ZDHHC14: variants seen among roughly 807,000 people sequenced by gnomAD.
ZDHHC14 encodes the protein zDHHC palmitoyltransferase 14.
ZDHHC14 carries 16 observed loss-of-function variants against 47.7 expected under a neutral mutation model. The observed-to-expected ratio is 0.34, with a 90% CI of 0.23 to 0.51. The LOEUF (loss-of-function observed/expected upper bound fraction) is 0.51, where lower values mean the gene tolerates loss of function less well. Ranked by LOEUF, ZDHHC14 falls within the 20% of genes least tolerant of loss-of-function variation. ZDHHC14 has a pLI of 0.97. For missense variants in ZDHHC14, 515 were observed against 662.5 expected (o/e 0.78, Z 2.44); for synonymous variants, 293 against 278.9 (o/e 1.05, Z -0.50).
At chr6:157,471,691 G>C (rs578109273) in intron 1 of ZDHHC14, among the ~76,000 whole-genome samples, 13 of 152,304 alleles carry the variant, frequency 8.5e-5, no homozygotes, top group Admixed American at 1.3e-4. Context: ...GAGAGAAGAC[G>C]GTCTTGGAAG....
Position 157,653,613 on chromosome 6 carries a change from T to C in ZDHHC14, c.1054T>C (p.Ser352Pro). ...CATCACCATGTACGGGGCCACGCAG[T>C]CACAGAGTGACATGGTAGGAGTGGG... ...NGITMYGATQ[S>P]QSDMCDQDQC... The change falls in exon 8 of 9, where the codon TCA (serine) becomes CCA (proline). Residue 352 changes from serine to proline, a missense_variant. Ser to Pro is a moderately conservative substitution (Grantham distance 74). Coordinates refer to ENST00000359775, the MANE Select transcript of ZDHHC14 (RefSeq NM_024630.3). 1 of 1,613,536 alleles carries C rather than the reference T, an allele frequency of 6.2e-7. No individual in the cohort carries two copies. The highest frequency in any genetic ancestry group is 8.5e-7 in the Non-Finnish European group (1 of 1,179,910).
At chr6:157,487,848 C>G (rs1267751497) in intron 1 of ZDHHC14, among the ~76,000 whole-genome samples, 1 of 152,180 alleles carries the variant, frequency 6.6e-6, no homozygotes, top group Non-Finnish European at 1.5e-5. Context: ...TGTGCCCTCT[C>G]CCATCCAGGC....
intron 2 of ZDHHC14, among the ~76,000 whole-genome samples, chr6:157,551,644 TG>T (rs1782238946): frequency 6.6e-6 from 1 of 152,196 alleles, no homozygotes; most frequent in South Asian, 2.1e-4. Context: ...AGCACAGCCC[TG>T]GGGCCTTTCC....
At chr6:157,536,819 CTTTT>C (rs768063106) in intron 1 of ZDHHC14, among the ~76,000 whole-genome samples, 2 of 97,998 alleles carry the variant, frequency 2.0e-5, no homozygotes. Context: ...CTCCATCTAT[CTTTT>C]TTTTTTTTTT....
chr6:157,524,802 T>TGTTCTATTCACTATCA (rs1781099627), intron 1 of ZDHHC14, among the ~76,000 whole-genome samples: 1 of 152,264 alleles, frequency 6.6e-6, no homozygotes, highest in African/African-American at 2.4e-5. Flanking sequence ...CCTGTGATTC[T>TGTTCTATTCACTATCA]GTTCTATTCA....
intron 3 of ZDHHC14, among the ~76,000 whole-genome samples, chr6:157,627,368 A>G (rs1229236325): frequency 2.0e-5 from 3 of 152,206 alleles, no homozygotes; most frequent in African/African-American, 4.8e-5. Context: ...AAGCTAAGTC[A>G]TATGCCCAGC....
intron 1 of ZDHHC14, among the ~76,000 whole-genome samples, chr6:157,422,693 G>A (rs560178465): frequency 6.6e-5 from 10 of 152,284 alleles, no homozygotes; most frequent in Non-Finnish European, 1.2e-4. Context: ...GATCAGGACG[G>A]GCACGGTAAG....
chr6:157,542,384 G>A (rs1216663545), intron 1 of ZDHHC14, among the ~76,000 whole-genome samples: 1 of 152,212 alleles, frequency 6.6e-6, no homozygotes, highest in Non-Finnish European at 1.5e-5. Flanking sequence ...TGGGGAGTGG[G>A]GGTTCAATTG....
At chr6:157,492,206 G>GCCCCCC (rs954347593) in intron 1 of ZDHHC14, among the ~76,000 whole-genome samples, 9,898 of 80,430 alleles carry the variant, frequency 0.12, 333 homozygotes, top group East Asian at 0.27. Context: ...CTCCGCCCCC[G>GCCCCCC]CCCCCCAGCC....
In ZDHHC14 at chr6:157,527,019, C is replaced by T. The variant is rs377054835; in HGVS notation, c.246-15566C>T. Among the ~76,000 whole-genome samples the T allele has an allele frequency of 9.2e-5, 14 of 152,252 alleles. No individual in the cohort carries two copies. The East Asian group carries it at 1.9e-3, about 21-fold the overall frequency. ...GTGCTTCTGAATAGGTACTTGATTA[C>T]GTACCTCCCCTCCTAAGAGTAGTAG... On this transcript the variant is annotated intron_variant, in intron 1 of 8. Coordinates refer to ENST00000359775, the MANE Select transcript of ZDHHC14 (RefSeq NM_024630.3).
intron 1 of ZDHHC14, among the ~76,000 whole-genome samples, chr6:157,446,540 G>A (rs892226749): frequency 1.3e-5 from 2 of 152,098 alleles, no homozygotes; most frequent in African/African-American, 4.8e-5. Context: ...CTCCCGAATA[G>A]CTGGGATTAC....
intron 1 of ZDHHC14, among the ~76,000 whole-genome samples, chr6:157,511,547 C>CTTT (rs34988240): frequency 1.6e-4 from 18 of 114,924 alleles, no homozygotes; most frequent in African/African-American, 2.2e-4. Context: ...AGCCCGGGTA[C>CTTT]TTTTTTTTTT....
At chr6:157,466,490 A>T (rs561835787) in intron 1 of ZDHHC14, among the ~76,000 whole-genome samples, 3 of 152,264 alleles carry the variant, frequency 2.0e-5, no homozygotes, top group Admixed American at 1.3e-4. Flanking sequence ...TTATTTAAAA[A>T]ATTGAATTAG....
At chr6:157,455,140 G>T (rs1272378871) in intron 1 of ZDHHC14, among the ~76,000 whole-genome samples, 1 of 152,228 alleles carries the variant, frequency 6.6e-6, no homozygotes, top group Non-Finnish European at 1.5e-5. Flanking sequence ...AGTGAACTGA[G>T]CAGGGCAGTC....
At chr6:157,449,786 G>A (rs906448216) in intron 1 of ZDHHC14, among the ~76,000 whole-genome samples, 6 of 152,242 alleles carry the variant, frequency 3.9e-5, no homozygotes, top group African/African-American at 1.2e-4. Context: ...TGTTATTGAT[G>A]GAAAATTCAT....
At chr6:157,567,642 C>A (rs1166154345) in intron 2 of ZDHHC14, among the ~76,000 whole-genome samples, 1 of 152,054 alleles carries the variant, frequency 6.6e-6, no homozygotes, top group Non-Finnish European at 1.5e-5. Flanking sequence ...CATGGCGAAA[C>A]CCCATCTCTG....
At chr6:157,413,589 CTTTTTT>C (rs879656638) in intron 1 of ZDHHC14, among the ~76,000 whole-genome samples, 2 of 139,546 alleles carry the variant, frequency 1.4e-5, no homozygotes, top group African/African-American at 5.3e-5. Context: ...TCCTTCCTTT[CTTTTTT>C]TTTTTTTAAG....
chr6:157,456,800 A>C (rs553322419), intron 1 of ZDHHC14, among the ~76,000 whole-genome samples: 2 of 152,210 alleles, frequency 1.3e-5, no homozygotes, highest in South Asian at 4.1e-4. Flanking sequence ...TCTTTTTGAA[A>C]TTACTGAGAA....
intron 3 of ZDHHC14, among the ~76,000 whole-genome samples, chr6:157,606,225 G>A (rs1246275129): frequency 6.6e-6 from 1 of 152,174 alleles, no homozygotes; most frequent in Non-Finnish European, 1.5e-5. Context: ...AGCACTTTGG[G>A]AGGCCGAGGT....
Sources: allele counts gnomAD v4.1 joint callset (sites outside exome capture counted in the v4.1 genomes callset), GRCh38; gene constraint gnomAD v4.1.1; transcripts MANE v1.5; gene names NCBI Gene and HGNC (gene_info 2026-07-23, HGNC 2026-07-21).